The following PCDH15 variants were observed in gnomAD, a reference collection of about 807,000 sequenced individuals.
The protein encoded by PCDH15 is protocadherin related 15, also known as protocadherin-15.
A neutral mutation model predicts 178.5 loss-of-function variants in PCDH15; 129 were observed. The observed-to-expected ratio is 0.72, with a 90% CI of 0.63 to 0.84. PCDH15 has a LOEUF of 0.84. Among genes scored for constraint, PCDH15 ranks in the 40% least tolerant of loss-of-function variants. PCDH15 has a pLI of 0.00. For synonymous variants in PCDH15, 800 were observed against 732.0 expected, an observed-to-expected ratio of 1.09 and a Z score of -1.50; for missense variants, 2,230 against 2,099.9, an observed-to-expected ratio of 1.06 and a Z score of -1.21.
intron 5 of PCDH15, among the ~76,000 whole-genome samples, chr10:54,355,186 C>A (rs192806844): frequency 7.6e-4 from 112 of 148,234 alleles, no homozygotes; most frequent in African/African-American, 2.1e-3. Context: ...AGTATCACCT[C>A]CTTTAATCCT....
chr10:54,156,221 C>G (rs571461639), intron 13 of PCDH15, among the ~76,000 whole-genome samples: 4 of 152,084 alleles, frequency 2.6e-5, no homozygotes, highest in Admixed American at 2.6e-4. Context: ...TTAGCCCTAC[C>G]CTTTCATAAT....
At position 53,815,128 on chromosome 10, in the gene PCDH15, A is replaced by G. The variant is rs139451682; in HGVS notation, c.4491+1111T>C. Among the ~76,000 whole-genome samples the G allele has an allele frequency of 5.1e-3, 783 of 152,330 alleles. 8 individuals are homozygous for G. Among genetic ancestry groups the G allele is most frequent in the African/African-American group, 0.018 (740 of 41,576 alleles). On this transcript the variant is annotated intron_variant, in intron 35 of 37. Transcript: ENST00000644397. ...TTCTAGATTTTAGAAAAGTATGCAA[A>G]GTAACACACTAGTGATTTTCTTGGG...
chr10:54,208,072 G>A (rs998573465), intron 10 of PCDH15, among the ~76,000 whole-genome samples: 24 of 151,876 alleles, frequency 1.6e-4, no homozygotes, highest in African/African-American at 5.8e-4. Context: ...GTGGCAATCT[G>A]CTAAGTTTAA....
chr10:54,470,067 C>G (rs980494495), intron 3 of PCDH15, among the ~76,000 whole-genome samples: 21 of 152,222 alleles, frequency 1.4e-4, no homozygotes, highest in Non-Finnish European at 2.5e-4. Flanking sequence ...CTCAGCCCCC[C>G]GGTAGTGTTT....
rs1209357401 is a variant in PCDH15 at position 54,236,678 on chromosome 10, A to T, written c.985+145T>A. The T allele has an allele frequency of 4.1e-6, 3 of 727,398 alleles. No individual in the cohort carries two copies. In the African/African-American group the frequency reaches 5.3e-5, roughly 13 times the overall value. 45.1% of individuals were successfully genotyped at this position (727,398 alleles called of 1,614,324 possible). On this transcript the variant is annotated intron_variant, in intron 9 of 37. Transcript: ENST00000644397. Reference sequence around the variant, plus strand: ...GAGGAAGCAAATATCTTGAATTATTATTTTTAAAATGTGTTTATACACAAA... The same window carrying T: ...GAGGAAGCAAATATCTTGAATTATTTTTTTTAAAATGTGTTTATACACAAA...
chr10:55,529,561 T>A (rs184633410), intron 2 of PCDH15, among the ~76,000 whole-genome samples: 127 of 151,588 alleles, frequency 8.4e-4, no homozygotes, highest in African/African-American at 2.9e-3. Flanking sequence ...TACAAATCCA[T>A]GTGAGAGATA....
chr10:54,797,984 C>G lies in PCDH15; in HGVS notation c.-29+2941G>C, dbSNP rs955882841. 3.9e-5 allele frequency among the ~76,000 whole-genome samples: 6 copies of G among 151,972 alleles called. No homozygotes were observed. The East Asian group carries it at 5.8e-4, about 15-fold the overall frequency. ...TTCAAAACTACCTCCCATCCTGCCC[C>G]TGCCATCCATACATGCAACGAATTA... On this transcript the variant is annotated intron_variant, in intron 1 of 37. Coordinates refer to ENST00000644397, the MANE Select transcript of PCDH15 (RefSeq NM_001384140.1).
At chr10:54,731,069 A>C (rs1310417860) in intron 1 of PCDH15, among the ~76,000 whole-genome samples, 1 of 151,540 alleles carries the variant, frequency 6.6e-6, no homozygotes, top group Non-Finnish European at 1.5e-5. Context: ...AATGGCAAAA[A>C]TAGATGAAAT....
intron 2 of PCDH15, among the ~76,000 whole-genome samples, chr10:54,542,562 T>C (rs1347766698): frequency 6.6e-6 from 1 of 152,166 alleles, no homozygotes; most frequent in African/African-American, 2.4e-5. Context: ...TTTCCATACA[T>C]CACATCTTGC....
intron 3 of PCDH15, among the ~76,000 whole-genome samples, chr10:54,454,150 T>C (rs2076663055): frequency 6.7e-6 from 1 of 149,514 alleles, no homozygotes; most frequent in Non-Finnish European, 1.5e-5. Flanking sequence ...ACAAAATAGA[T>C]TTATATAGTT....
intron 18 of PCDH15, among the ~76,000 whole-genome samples, chr10:54,025,749 G>A (rs774798734): frequency 2.0e-5 from 3 of 151,946 alleles, no homozygotes; most frequent in East Asian, 1.9e-4. Context: ...CACCCGCCTC[G>A]GCCTCCCAAA....
At chr10:54,176,301 G>A (rs986638004) in intron 13 of PCDH15, among the ~76,000 whole-genome samples, 3 of 152,090 alleles carry the variant, frequency 2.0e-5, no homozygotes, top group African/African-American at 7.2e-5. Flanking sequence ...TAGCCTTAAC[G>A]CAAGCCACAA....
chr10:54,131,859 C>T (rs1590683396), intron 15 of PCDH15, among the ~76,000 whole-genome samples: 1 of 152,278 alleles, frequency 6.6e-6, no homozygotes, highest in East Asian at 1.9e-4. Context: ...GCATCATTTT[C>T]AATACAAACA....
chr10:55,488,239 C>T (rs541385438), intron 2 of PCDH15, among the ~76,000 whole-genome samples: 40 of 151,682 alleles, frequency 2.6e-4, no homozygotes, highest in African/African-American at 8.9e-4. Context: ...TTAATCAAAA[C>T]ATTTTAATTA....
At chr10:53,815,639 C>T (rs1289324555) in intron 35 of PCDH15, among the ~76,000 whole-genome samples, 1 of 151,974 alleles carries the variant, frequency 6.6e-6, no homozygotes, top group African/African-American at 2.4e-5. Context: ...GTAAGTGGAG[C>T]TTATGAAATA....
intron 21 of PCDH15, among the ~76,000 whole-genome samples, chr10:53,993,813 T>C (rs1433985963): frequency 6.6e-6 from 1 of 152,200 alleles, no homozygotes; most frequent in African/African-American, 2.4e-5. Flanking sequence ...ATCATAGCTA[T>C]ATCAAAAGAT....
intron 2 of PCDH15, among the ~76,000 whole-genome samples, chr10:55,601,711 G>A (rs767074583): frequency 1.3e-5 from 2 of 151,878 alleles, no homozygotes; most frequent in Non-Finnish European, 2.9e-5. Context: ...AAGGTAGCAG[G>A]AACAAAAAAG....
intron 31 of PCDH15, 113 bp downstream of exon 31, chr10:53,828,452 G>C: frequency 1.1e-6 from 1 of 903,822 alleles, no homozygotes; most frequent in Admixed American, 1.9e-5. Flanking sequence ...TATTACAAAC[G>C]CAAAACAAGG....
intron 2 of PCDH15, among the ~76,000 whole-genome samples, chr10:55,338,123 A>G (rs996808239): frequency 3.9e-5 from 6 of 152,202 alleles, no homozygotes; most frequent in African/African-American, 1.4e-4. Context: ...CACCCCAGTT[A>G]AAATGGTTTT....
Sources: gnomAD v4.1 joint callset for allele counts (sites outside exome capture counted in the v4.1 genomes callset) on GRCh38, gnomAD v4.1.1 for gene constraint, MANE v1.5 for transcripts, NCBI Gene and HGNC (gene_info 2026-07-23, HGNC 2026-07-21) for gene names.